The following GLB1 variants were observed in gnomAD, a reference collection of about 807,000 sequenced individuals.
GLB1 encodes beta-galactosidase.
A neutral mutation model predicts 74.0 loss-of-function variants in GLB1; 56 were observed. The ratio of observed to expected loss-of-function variants is 0.76; its 90% CI spans 0.61 to 0.94. The LOEUF (loss-of-function observed/expected upper bound fraction) is 0.94, where lower values mean the gene tolerates loss of function less well. Among genes scored for constraint, GLB1 ranks in the 40% least tolerant of loss-of-function variants. The pLI, the probability that GLB1 is intolerant of heterozygous loss-of-function variation, is 0.00. For synonymous variants in GLB1, 323 were observed against 323.6 expected (o/e 1.00, Z 0.02); for missense variants, 787 against 845.5 (o/e 0.93, Z 0.86).
intron 6 of GLB1, 21 bp downstream of exon 6, chr3:33,058,068 T>G: frequency 1.2e-6 from 2 of 1,612,834 alleles, no homozygotes. Flanking sequence ...AGCTGCAATT[T>G]CTGTTACTAC....
Position 33,072,737 on chromosome 3 carries a change from A to G in GLB1, c.76-24T>C, listed in dbSNP as rs200188642. ...TTCTACAGAGCAAGGATGGGGTCAC[A>G]TGAGAACTTCCACCTTCTGCATTTC... On this transcript the variant is annotated intron_variant, in intron 1 of 15. Transcript: ENST00000307363. The G allele has an allele frequency of 3.7e-6, 6 of 1,614,014 alleles. No homozygotes were observed. The East Asian group carries it at 1.3e-4, about 36-fold the overall frequency.
Position 33,014,274 on chromosome 3 carries a change from G to C in GLB1, c.1516C>G (p.Leu506Val), listed in dbSNP as rs1199366375. 6.2e-7 allele frequency: 1 copy of C among 1,614,180 alleles called. No individual in the cohort carries two copies. The highest frequency in any genetic ancestry group is 1.1e-5 in the South Asian group (1 of 91,070). ...AGTGGAAAGATCGTCCAGTCCGTGA[G>C]GATATTGGAACTGAGAGTCAGGTTA... is the stretch of plus-strand genomic sequence containing the variant. The part of the protein sequence containing the change: ...VSNLTLSSNI[L>V]TDWTIFPLDT... The change falls in exon 15 of 16, where the codon CTC becomes GTC. Residue 506 changes from leucine (L) to valine (V), a missense_variant. Coordinates refer to ENST00000307363, the MANE Select transcript of GLB1 (RefSeq NM_000404.4).
At chr3:33,060,317 T>C (rs1699391029) in intron 5 of GLB1, among the ~76,000 whole-genome samples, 1 of 152,216 alleles carries the variant, frequency 6.6e-6, no homozygotes, top group South Asian at 2.1e-4. Flanking sequence ...AGGAAGTATT[T>C]GCTGCTTACA....
chr3:33,095,014 C>T (rs1357497231), intron 1 of GLB1, among the ~76,000 whole-genome samples: 2 of 151,984 alleles, frequency 1.3e-5, no homozygotes, highest in Non-Finnish European at 2.9e-5. Flanking sequence ...AGTTCAAGAC[C>T]AGCCTGGCCA....
At chr3:32,963,199 T>G in the GLB1 span, among the ~76,000 whole-genome samples, 1 of 151,844 alleles carries the variant, frequency 6.6e-6, no homozygotes, top group African/African-American at 2.4e-5. Context: ...CAATAAACTA[T>G]TTATTCAGAA....
chr3:33,058,379 A>G, intron 5 of GLB1, 110 bp from the exon 6 acceptor site: 1 of 1,499,500 alleles, frequency 6.7e-7, no homozygotes, highest in Non-Finnish European at 9.1e-7. Context: ...GACAAGGCTT[A>G]ATGACTGCTG....
At chr3:32,983,705 G>A in the GLB1 span, among the ~76,000 whole-genome samples, 3 of 152,032 alleles carry the variant, frequency 2.0e-5, no homozygotes, top group Non-Finnish European at 4.4e-5. Context: ...TTGAGATAGG[G>A]TCTCACTCTG....
intron 9 of GLB1, among the ~76,000 whole-genome samples, chr3:33,048,862 T>A (rs1011867416): frequency 2.6e-5 from 4 of 152,152 alleles, no homozygotes; most frequent in Non-Finnish European, 5.9e-5. Context: ...TTTTTTGTAT[T>A]CAGCTATTCT....
intron 4 of GLB1, among the ~76,000 whole-genome samples, chr3:33,067,993 C>T (rs1013854821): frequency 2.0e-5 from 3 of 152,192 alleles, no homozygotes; most frequent in African/African-American, 7.2e-5. Context: ...TCAAGCAATC[C>T]TTCTGCCTCA....
intron 9 of GLB1, among the ~76,000 whole-genome samples, chr3:33,046,904 A>G (rs1698764858): frequency 6.6e-6 from 1 of 152,156 alleles, no homozygotes; most frequent in African/African-American, 2.4e-5. Flanking sequence ...GTCTGCTGAC[A>G]TTTCTCAGAT....
chr3:33,024,704 T>G (rs1697658581), intron 10 of GLB1, among the ~76,000 whole-genome samples: 1 of 152,228 alleles, frequency 6.6e-6, no homozygotes, highest in Non-Finnish European at 1.5e-5. Context: ...TTAATCTTAT[T>G]GCTAAAGTTC....
the GLB1 span, among the ~76,000 whole-genome samples, chr3:32,979,867 A>G: frequency 6.7e-6 from 1 of 149,438 alleles, no homozygotes; most frequent in South Asian, 2.1e-4. Context: ...AAAAAAAAAA[A>G]AAAAAAAAAA....
In GLB1 at chr3:33,075,373, T is replaced by C. The variant is rs151064745; in HGVS notation, c.76-2660A>G. ...AGGAGATAAGGCTGGGAAAAAATGA[T>C]GGTGGGAGACAATGGAATCTGGCCT... On this transcript the variant is annotated intron_variant, in intron 1 of 15. Coordinates refer to ENST00000307363, the MANE Select transcript of GLB1 (RefSeq NM_000404.4). 6.1e-3 allele frequency among the ~76,000 whole-genome samples: 923 copies of C among 152,308 alleles called. 17 individuals carry two copies. The highest frequency in any genetic ancestry group is 0.021 in the African/African-American group (865 of 41,572).
chr3:33,018,276 A>G (rs532714594), intron 13 of GLB1, among the ~76,000 whole-genome samples, 172 bp downstream of exon 13: 1 of 116,738 alleles, frequency 8.6e-6, no homozygotes, highest in Non-Finnish European at 1.7e-5. Flanking sequence ...ACAGAGCAAA[A>G]CCCTGTCTCA....
the GLB1 span, among the ~76,000 whole-genome samples, chr3:32,990,409 C>A: frequency 9.2e-5 from 14 of 152,256 alleles, no homozygotes; most frequent in Middle Eastern, 3.4e-3. Flanking sequence ...TCTGTGCGCT[C>A]CCTGAGGGGC....
At chr3:32,971,740 G>A in the GLB1 span, among the ~76,000 whole-genome samples, 1 of 152,254 alleles carries the variant, frequency 6.6e-6, no homozygotes, top group African/African-American at 2.4e-5. Flanking sequence ...ATGGAGAAAC[G>A]CCCAGAACGA....
the GLB1 span, among the ~76,000 whole-genome samples, chr3:32,963,882 A>C: frequency 6.6e-6 from 1 of 152,202 alleles, no homozygotes; most frequent in Non-Finnish European, 1.5e-5. Context: ...TTAGGAAAAA[A>C]AGGAGAACTT....
the GLB1 span, among the ~76,000 whole-genome samples, chr3:32,975,629 G>A: frequency 1.3e-5 from 2 of 152,150 alleles, no homozygotes; most frequent in East Asian, 3.8e-4. Context: ...GAGAGAAAGA[G>A]CAACAAATAT....
intron 11 of GLB1, 105 bp from the exon 12 acceptor site, chr3:33,021,760 C>A: frequency 1.5e-6 from 2 of 1,313,322 alleles, no homozygotes; most frequent in Non-Finnish European, 2.1e-6. Context: ...TTGACCAAAC[C>A]CCTAAATAAA....
Sources: allele counts gnomAD v4.1 joint callset (sites outside exome capture counted in the v4.1 genomes callset), GRCh38; gene constraint gnomAD v4.1.1; transcripts MANE v1.5; gene names NCBI Gene and HGNC (gene_info 2026-07-23, HGNC 2026-07-21).